The following NF2 variants were observed in gnomAD, a reference collection of about 807,000 sequenced individuals.
The protein encoded by NF2 is merlin.
In NF2, 8 loss-of-function variants were observed where a neutral mutation model predicts 83.7. That is an observed-to-expected ratio of 0.10 (90% CI 0.06 to 0.17). The LOEUF (loss-of-function observed/expected upper bound fraction) is 0.17. Ranked by LOEUF, NF2 falls within the 10% of genes least tolerant of loss-of-function variation. The pLI is 1.00. For synonymous variants in NF2, 266 were observed against 269.6 expected, an observed-to-expected ratio of 0.99 and a Z score of 0.13; for missense variants, 533 against 744.4, an observed-to-expected ratio of 0.72 and a Z score of 3.31.
At chr22:29,683,343 G>T (rs2067196681) in intron 15 of NF2, 12 of 1,395,222 alleles carry the variant, frequency 8.6e-6, no homozygotes, top group South Asian at 3.0e-5. Flanking sequence ...TCATTGTTGG[G>T]CTGGGGAAGG....
intron 4 of NF2, 124 bp downstream of exon 4, chr22:29,642,409 T>C (rs2065836073): frequency 6.4e-6 from 5 of 785,652 alleles, no homozygotes; most frequent in Non-Finnish European, 1.1e-5. Context: ...AGTGAGATGT[T>C]ATGGGACTTG....
At chr22:29,667,780 T>C (rs1372354754) in intron 9 of NF2, among the ~76,000 whole-genome samples, 7 of 152,230 alleles carry the variant, frequency 4.6e-5, no homozygotes, top group Non-Finnish European at 8.8e-5. Context: ...TAGACAAATA[T>C]ATACATTTTT....
In NF2 at chr22:29,676,173, AT is replaced by A. The variant is rs909077491; in HGVS notation, c.1446+1243del. Among the ~76,000 whole-genome samples, 47 of 145,022 alleles carry A rather than the reference AT, an allele frequency of 3.2e-4. 1 individual carries two copies. The highest frequency in any genetic ancestry group is 1.2e-3 in the East Asian group (6 of 5,028). ...GTTTTTATTTTTTATTTTATTTATT[AT>A]TTTTTTTTTTAGAGAGAGAGAGTTT... On this transcript the variant is annotated intron_variant, in intron 13 of 15. Transcript: ENST00000338641.
At chr22:29,643,600 G>GT (rs1229031899) in intron 4 of NF2, among the ~76,000 whole-genome samples, 2 of 152,220 alleles carry the variant, frequency 1.3e-5, no homozygotes, top group Non-Finnish European at 2.9e-5. Flanking sequence ...AGAGCACAGG[G>GT]TTGGGGGTAA....
intron 15 of NF2, among the ~76,000 whole-genome samples, chr22:29,685,882 T>G (rs1378834706): frequency 6.6e-6 from 1 of 152,102 alleles, no homozygotes; most frequent in Non-Finnish European, 1.5e-5. Flanking sequence ...TGAGCGGCCA[T>G]CCAGTCTGAT....
In NF2 at chr22:29,637,225, T is replaced by C. The variant is rs146465291; in HGVS notation, c.240+349T>C. ...CTTCATATACTTAAAAATAACCAAT[T>C]TGTGTCTTTTAGAGAGTATTGGGGC... On this transcript the variant is annotated intron_variant, in intron 2 of 15. Coordinates refer to ENST00000338641, the MANE Select transcript of NF2 (RefSeq NM_000268.4). Among the ~76,000 whole-genome samples the C allele has an allele frequency of 6.1e-3, 924 of 152,294 alleles. 7 individuals are homozygous for C. The highest frequency in any genetic ancestry group is 9.6e-3 in the Admixed American group (147 of 15,296).
Position 29,603,839 on chromosome 22 carries a change from C to T in NF2, c.-160C>T. On this transcript the variant is annotated 5_prime_UTR_variant, in exon 1 of 16. Transcript: ENST00000338641. Reference sequence around the variant, plus strand: ...TTCCGCTCAGGCAGGGTCCTCGCGGCCCATGCTGGCCGCTGGGGACCCGCG... The same window carrying T: ...TTCCGCTCAGGCAGGGTCCTCGCGGTCCATGCTGGCCGCTGGGGACCCGCG... 1.7e-6 allele frequency: 1 copy of T among 598,414 alleles called. No individual in the cohort carries two copies. Among genetic ancestry groups the T allele is most frequent in the Non-Finnish European group, 2.9e-6 (1 of 340,856 alleles). 37.1% of individuals were successfully genotyped at this position (598,414 alleles called of 1,614,324 possible). A position where few individuals can be genotyped will look rare whatever the true frequency, so the allele number is the denominator to read the frequency against.
At chr22:29,681,349 G>C in intron 14 of NF2, 90 bp from the exon 15 acceptor site, 2 of 1,531,562 alleles carry the variant, frequency 1.3e-6, no homozygotes, top group Non-Finnish European at 1.8e-6. Flanking sequence ...ACCCTAGATC[G>C]CACACCAAGC....
intron 10 of NF2, among the ~76,000 whole-genome samples, chr22:29,670,503 T>TTTTG (rs370999091): frequency 6.8e-6 from 1 of 146,342 alleles, no homozygotes; most frequent in African/African-American, 2.6e-5. Flanking sequence ...CTTTTTGAGC[T>TTTTG]TGTGTGTGTG....
Position 29,683,514 on chromosome 22 carries a change from C to G in NF2, c.1737+1913C>G, listed in dbSNP as rs1213525284. 6 of 1,127,760 alleles carry G rather than the reference C, an allele frequency of 5.3e-6. 1 individual carries two copies. The South Asian group carries it at 2.0e-4, about 38-fold the overall frequency. The allele number at this position is 1,127,760 out of a possible 1,614,324, so 69.9% of individuals were successfully genotyped here. ...GACAGCCTCTCAAGACCCATGGTCA[C>G]ACCTGGCAGCTTCTGGTAGTGGGGC... On this transcript the variant is annotated intron_variant, in intron 15 of 15. Coordinates refer to ENST00000338641, the MANE Select transcript of NF2 (RefSeq NM_000268.4).
chr22:29,671,208 G>C (rs1455992057), intron 10 of NF2, among the ~76,000 whole-genome samples: 1 of 152,194 alleles, frequency 6.6e-6, no homozygotes, highest in African/African-American at 2.4e-5. Context: ...ACATTGGCAA[G>C]GTAGCCATTT....
At chr22:29,620,247 G>A (rs1056937967) in intron 1 of NF2, among the ~76,000 whole-genome samples, 3 of 151,382 alleles carry the variant, frequency 2.0e-5, no homozygotes, top group African/African-American at 7.3e-5. Context: ...CGACAAGAGC[G>A]AGACTCTGTC....
intron 4 of NF2, among the ~76,000 whole-genome samples, chr22:29,651,959 A>G (rs1207354594): frequency 3.9e-5 from 6 of 152,200 alleles, no homozygotes; most frequent in African/African-American, 1.2e-4. Context: ...ACAATGATCA[A>G]TGTTGTCATA....
intron 1 of NF2, among the ~76,000 whole-genome samples, chr22:29,620,735 AAT>A (rs1408566624): frequency 6.6e-6 from 1 of 151,860 alleles, no homozygotes; most frequent in Non-Finnish European, 1.5e-5. Flanking sequence ...CAAAAAAAAA[AAT>A]AGAGATGGGG....
intron 10 of NF2, among the ~76,000 whole-genome samples, chr22:29,669,722 C>A (rs1399632156): frequency 6.6e-6 from 1 of 152,136 alleles, no homozygotes; most frequent in East Asian, 1.9e-4. Flanking sequence ...GAGCCACAAA[C>A]CTGGCATCTG....
rs1054607913 is a variant in NF2, at chr22:29,661,394, C to A, written c.810+55C>A. 1.2e-5 allele frequency: 20 copies of A among 1,607,874 alleles called. No homozygotes were observed. The African/African-American group carries it at 2.3e-4, about 18-fold the overall frequency. The stretch of plus-strand genomic sequence containing the variant: ...CAGCAGATCTTTCCCTGTCTGCCCC[C>A]CTCACTGGAGCCTCCCCAGCCAGGG... On this transcript the variant is annotated intron_variant, in intron 8 of 15. Coordinates refer to ENST00000338641, the MANE Select transcript of NF2 (RefSeq NM_000268.4).
chr22:29,621,024 A>G (rs2065206235), intron 1 of NF2, among the ~76,000 whole-genome samples: 1 of 152,236 alleles, frequency 6.6e-6, no homozygotes, highest in Non-Finnish European at 1.5e-5. Flanking sequence ...GCCACTATCT[A>G]TTCTGAAAGA....
chr22:29,694,870 T>C lies in NF2; in HGVS notation c.*68T>C, dbSNP rs2147172567. ...CCGGGACCGCGGGATGGACCAGATA[T>C]CAAGAGAGCCATCCATAGGGAGCTG... On this transcript the variant is annotated 3_prime_UTR_variant, in exon 16 of 16. Transcript: ENST00000338641. The surrounding 1 kb of genome is among the most constrained non-coding windows in gnomAD (Gnocchi z 4.1). 6.6e-7 allele frequency: 1 copy of C among 1,516,740 alleles called. No homozygotes were observed. The highest frequency in any genetic ancestry group is 2.4e-5 in the East Asian group (1 of 42,334). 94.0% of individuals were successfully genotyped at this position (1,516,740 alleles called of 1,614,324 possible). A position where few individuals can be genotyped will look rare whatever the true frequency, so the allele number is the denominator to read the frequency against.
intron 12 of NF2, among the ~76,000 whole-genome samples, chr22:29,674,305 C>G (rs1388228523): frequency 6.6e-6 from 1 of 152,228 alleles, no homozygotes; most frequent in Non-Finnish European, 1.5e-5. Context: ...GCCGTGACCA[C>G]CTGAGCCCCA....
Sources: gnomAD v4.1 joint callset for allele counts (sites outside exome capture counted in the v4.1 genomes callset) on GRCh38, gnomAD v4.1.1 for gene constraint, Gnocchi (gnomAD v3.1) non-coding constraint, MANE v1.5 for transcripts, NCBI Gene and HGNC (gene_info 2026-07-23, HGNC 2026-07-21) for gene names.